GRIA3: variants seen among roughly 807,000 people sequenced by gnomAD.
GRIA3 encodes the protein glutamate ionotropic receptor AMPA type subunit 3, also known as glutamate receptor 3.
GRIA3 carries 3 observed loss-of-function variants against 63.0 expected under a neutral mutation model. That is an observed-to-expected ratio of 0.05 (90% CI 0.02 to 0.12). The LOEUF (loss-of-function observed/expected upper bound fraction) is 0.12. GRIA3 is among the 10% of genes least tolerant of loss of function. The pLI, the probability that GRIA3 is intolerant of heterozygous loss-of-function variation, is 1.00. For synonymous variants in GRIA3, 274 were observed against 257.9 expected (o/e 1.06, Z -0.60); for missense variants, 347 against 700.9 (o/e 0.50, Z 5.70).
intron 10 of GRIA3, among the ~76,000 whole-genome samples, chrX:123,410,607 G>C (rs1192285082): frequency 8.9e-6 from 1 of 111,752 alleles, no homozygotes; most frequent in Non-Finnish European, 1.9e-5. Flanking sequence ...GCAGAGAGTC[G>C]ATTTGTCCTT....
At chrX:123,222,738 A>G (rs2044225665) in intron 2 of GRIA3, among the ~76,000 whole-genome samples, 1 of 111,883 alleles carries the variant, frequency 8.9e-6, no homozygotes, top group East Asian at 2.8e-4. Flanking sequence ...GCTAGGGTTG[A>G]AAACCACTGG....
At position 123,265,543 on chromosome X, in the gene GRIA3, A is replaced by G. The variant is rs775932307; in HGVS notation, c.508+12001A>G. ...AGGTCTTCATCCTCATTGTTTTCAT[A>G]TTAAGTAGGCTGAAGAGGAAGAGGA... On this transcript the variant is annotated intron_variant, in intron 3 of 15. Transcript: ENST00000620443. 1.9e-4 allele frequency among the ~76,000 whole-genome samples: 21 copies of G among 112,129 alleles called. No homozygotes were observed. In the South Asian group the frequency reaches 7.5e-3, roughly 40 times the overall value.
chrX:123,398,826 G>C, intron 7 of GRIA3, 23 bp downstream of exon 7: 1 of 1,161,654 alleles, frequency 8.6e-7, no homozygotes, highest in Middle Eastern at 2.4e-4. Flanking sequence ...ATGGGTTATT[G>C]GGGTGGAAGA....
chrX:123,347,260 A>G (rs1243322584), intron 4 of GRIA3, among the ~76,000 whole-genome samples: 1 of 111,715 alleles, frequency 9.0e-6, no homozygotes, highest in Admixed American at 9.5e-5. Context: ...TTTGTGAATT[A>G]AGAGAATTCT....
chrX:123,226,532 G>A (rs2044248044), intron 2 of GRIA3, among the ~76,000 whole-genome samples: 1 of 111,425 alleles, frequency 9.0e-6, no homozygotes, highest in Non-Finnish European at 1.9e-5. Flanking sequence ...TTTCATTTCT[G>A]TGCATACATA....
intron 3 of GRIA3, among the ~76,000 whole-genome samples, chrX:123,285,702 C>A (rs1370297208): frequency 9.2e-6 from 1 of 109,113 alleles, no homozygotes; most frequent in African/African-American, 3.3e-5. Context: ...GGGATCAATG[C>A]AACAAGAAGA....
intron 5 of GRIA3, among the ~76,000 whole-genome samples, chrX:123,394,443 T>G (rs1040002232): frequency 2.7e-5 from 3 of 111,544 alleles, no homozygotes; most frequent in African/African-American, 9.8e-5. Context: ...TCAGATACCC[T>G]GGGATTTGTA....
chrX:123,404,586 A>G (rs1448766450), intron 9 of GRIA3, 122 bp from the exon 10 acceptor site: 1 of 509,433 alleles, frequency 2.0e-6, no homozygotes, highest in African/African-American at 2.4e-5. Context: ...ACTAAGTAAC[A>G]ATTTAAAGGC....
At chrX:123,407,538 G>C (rs1267358837) in intron 10 of GRIA3, among the ~76,000 whole-genome samples, 1 of 110,211 alleles carries the variant, frequency 9.1e-6, no homozygotes, top group Non-Finnish European at 1.9e-5. Flanking sequence ...TCACATGATG[G>C]AAAGGGTAAG....
intron 5 of GRIA3, among the ~76,000 whole-genome samples, chrX:123,375,554 G>A (rs1301624328): frequency 2.7e-5 from 3 of 111,553 alleles, no homozygotes; most frequent in Non-Finnish European, 5.7e-5. Flanking sequence ...CTTCACTTTG[G>A]CCTTTTTTTA....
intron 12 of GRIA3, among the ~76,000 whole-genome samples, chrX:123,452,759 G>A (rs1043327039): frequency 8.9e-6 from 1 of 112,021 alleles, no homozygotes; most frequent in African/African-American, 3.2e-5. Context: ...ACTCTAGAAG[G>A]CTGAGGGAAG....
intron 4 of GRIA3, among the ~76,000 whole-genome samples, chrX:123,354,062 CTAT>C (rs1381006522): frequency 1.8e-5 from 2 of 111,651 alleles, no homozygotes; most frequent in African/African-American, 6.5e-5. Flanking sequence ...AATACAAAGC[CTAT>C]TATTAGACTT....
intron 13 of GRIA3, among the ~76,000 whole-genome samples, 153 bp from the exon 14 acceptor site, chrX:123,479,910 A>G (rs1036526057): frequency 1.8e-5 from 2 of 112,339 alleles, no homozygotes; most frequent in African/African-American, 6.5e-5. Context: ...TTAACTTTTT[A>G]TAAGGTAATG....
chrX:123,490,677 A>C lies in GRIA3; in HGVS notation c.*1967A>C. ...TGTTTAAAAAAAAGTTGATTGCTTC[A>C]AATTTCTGCTACTAACTTCAAGCTA... On this transcript the variant is annotated 3_prime_UTR_variant, in exon 16 of 16. Transcript: ENST00000620443. The C allele has an allele frequency of 8.9e-6, 1 of 112,428 alleles. No individual in the cohort carries two copies. Among genetic ancestry groups the C allele is most frequent in the East Asian group, 2.8e-4 (1 of 3,593 alleles). The allele number at this position is 112,428 out of a possible 1,213,427, so 9.3% of individuals were successfully genotyped here.
intron 2 of GRIA3, among the ~76,000 whole-genome samples, chrX:123,230,399 G>A (rs779808213): frequency 9.0e-6 from 1 of 111,467 alleles, no homozygotes; most frequent in African/African-American, 3.3e-5. Context: ...AAGTGTTAAC[G>A]ATCACTAATA....
At chrX:123,440,736 G>A (rs2045669654) in intron 12 of GRIA3, among the ~76,000 whole-genome samples, 2 of 112,432 alleles carry the variant, frequency 1.8e-5, no homozygotes, top group South Asian at 3.7e-4. Flanking sequence ...CTTCCATTCT[G>A]TAGGTTGTCT....
At chrX:123,253,255 C>G in intron 2 of GRIA3, 48 bp from the exon 3 acceptor site, 1 of 1,198,665 alleles carries the variant, frequency 8.3e-7, no homozygotes, top group Non-Finnish European at 1.1e-6. Flanking sequence ...CAAGTTGCAG[C>G]AAAGGACCAT....
Position 123,327,121 on chromosome X carries a change from G to A in GRIA3, c.696+908G>A, listed in dbSNP as rs376520523. Among the ~76,000 whole-genome samples, 3 of 110,776 alleles carry A rather than the reference G, an allele frequency of 2.7e-5. No individual in the cohort carries two copies. In the East Asian group the frequency reaches 8.5e-4, roughly 31 times the overall value. ...GCAGAGGTTGCAGTGAGCTATGACCGCACCACTGCACTCCAGCCTGGGCAA... is the reference window on the plus strand; with the variant it reads ...GCAGAGGTTGCAGTGAGCTATGACCACACCACTGCACTCCAGCCTGGGCAA... On this transcript the variant is annotated intron_variant, in intron 4 of 15. Coordinates refer to ENST00000620443, the MANE Select transcript of GRIA3 (RefSeq NM_007325.5).
intron 5 of GRIA3, among the ~76,000 whole-genome samples, chrX:123,383,398 G>GT (rs1163456889): frequency 9.0e-6 from 1 of 111,294 alleles, no homozygotes; most frequent in Admixed American, 9.6e-5. Flanking sequence ...CTAACTGTAT[G>GT]TTTATACTCA....
Sources: gnomAD v4.1 joint callset for allele counts (sites outside exome capture counted in the v4.1 genomes callset) on GRCh38, gnomAD v4.1.1 for gene constraint, MANE v1.5 for transcripts, NCBI Gene and HGNC (gene_info 2026-07-23, HGNC 2026-07-21) for gene names.